The following CMTM4 variants were observed in gnomAD, a reference collection of about 807,000 sequenced individuals.
CMTM4 encodes the protein CKLF-like MARVEL transmembrane domain-containing protein 4.
A neutral mutation model predicts 19.0 loss-of-function variants in CMTM4; 8 were observed. The observed-to-expected ratio is 0.42, with a 90% confidence interval of 0.25 to 0.76. CMTM4 has a LOEUF of 0.76. CMTM4 is among the 30% of genes least tolerant of loss of function. The pLI is 0.27. For missense variants in CMTM4, 228 were observed against 290.2 expected (o/e 0.79, Z 1.56); for synonymous variants, 106 against 121.1 (o/e 0.88, Z 0.82).
chr16:66,636,486 C>G lies in CMTM4; in HGVS notation c.282G>C (p.Ala94=). 6.2e-7 allele frequency: 1 copy of G among 1,614,136 alleles called. No individual in the cohort carries two copies. The highest frequency in any genetic ancestry group is 8.5e-7 in the Non-Finnish European group (1 of 1,180,016). Residue 94 remains alanine (A), a synonymous_variant, in exon 2 of 4, where the codon GCG becomes GCC. Transcript: ENST00000394106. ...TCAGCAAGACGCCAGTCACCACAAA[C>G]GCACTGCAGCTCACAAACTCAAAAA... is the stretch of plus-strand genomic sequence containing the variant. ...LYFFEFVSCS[A]FVVTGVLLIM...
chr16:66,665,171 C>T (rs985201461), intron 1 of CMTM4, among the ~76,000 whole-genome samples: 9 of 147,948 alleles, frequency 6.1e-5, no homozygotes, highest in African/African-American at 1.2e-4. Flanking sequence ...TGGTCTCGAA[C>T]TCCTGACCTC....
At chr16:66,679,909 C>T (rs897591625) in intron 1 of CMTM4, among the ~76,000 whole-genome samples, 4 of 151,758 alleles carry the variant, frequency 2.6e-5, no homozygotes, top group South Asian at 4.1e-4. Flanking sequence ...GAAACAAACT[C>T]ACACGGGGGC....
chr16:66,676,805 C>A (rs1487267610), intron 1 of CMTM4, among the ~76,000 whole-genome samples: 2 of 152,320 alleles, frequency 1.3e-5, no homozygotes, highest in East Asian at 3.9e-4. Context: ...GAAAACTGGG[C>A]CTCTGCCATG....
At chr16:66,683,670 G>A (rs2016983283) in intron 1 of CMTM4, among the ~76,000 whole-genome samples, 2 of 151,922 alleles carry the variant, frequency 1.3e-5, no homozygotes, top group South Asian at 4.2e-4. Context: ...GGATACAGCA[G>A]GGAACTTGAA....
At chr16:66,672,596 T>C (rs774345098) in intron 1 of CMTM4, among the ~76,000 whole-genome samples, 1 of 151,844 alleles carries the variant, frequency 6.6e-6, no homozygotes, top group Non-Finnish European at 1.5e-5. Context: ...TCTTTTATTA[T>C]TCCTCTGATT....
intron 1 of CMTM4, among the ~76,000 whole-genome samples, chr16:66,638,171 T>C (rs976431955): frequency 6.6e-6 from 1 of 152,174 alleles, no homozygotes; most frequent in Non-Finnish European, 1.5e-5. Flanking sequence ...TTGCATTCTA[T>C]CCTTACCATC....
chr16:66,633,647 G>T (rs777353490), intron 2 of CMTM4, among the ~76,000 whole-genome samples: 2 of 151,772 alleles, frequency 1.3e-5, no homozygotes, highest in African/African-American at 4.8e-5. Flanking sequence ...GCGAAACCTC[G>T]TCTCTATTAA....
In CMTM4 at chr16:66,696,629, G is replaced by T; in HGVS notation, c.-104C>A. 3.2e-6 allele frequency: 2 copies of T among 623,116 alleles called. No individual in the cohort carries two copies. Among genetic ancestry groups the T allele is most frequent in the Non-Finnish European group, 4.0e-6 (2 of 503,618 alleles). 38.6% of individuals were successfully genotyped at this position (623,116 alleles called of 1,614,324 possible). A position where few individuals can be genotyped will look rare whatever the true frequency, so the allele number is the denominator to read the frequency against. On this transcript the variant is annotated 5_prime_UTR_variant, in exon 1 of 4. Transcript: ENST00000394106. The surrounding 1 kb of genome is among the most constrained non-coding windows in gnomAD (Gnocchi z 4.3). Reference sequence around the variant, plus strand: ...CGCCGCCGCCGCCGCCGCCGCCGCCGCCCGACTGACTGCCCGCGGCCCGCC... The same window carrying T: ...CGCCGCCGCCGCCGCCGCCGCCGCCTCCCGACTGACTGCCCGCGGCCCGCC...
chr16:66,652,529 G>A (rs2016328833), intron 1 of CMTM4, among the ~76,000 whole-genome samples: 1 of 152,188 alleles, frequency 6.6e-6, no homozygotes, highest in African/African-American at 2.4e-5. Flanking sequence ...AATAAGAGTT[G>A]AACTTTGGAC....
chr16:66,624,132 A>G (rs2015690717), intron 2 of CMTM4, among the ~76,000 whole-genome samples: 1 of 152,236 alleles, frequency 6.6e-6, no homozygotes, highest in African/African-American at 2.4e-5. Context: ...AACCACCCAT[A>G]TGACTTTGGA....
downstream of CMTM4, chr16:66,613,000 G>A (rs958744722): frequency 1.0e-4 from 70 of 700,372 alleles, no homozygotes; most frequent in Admixed American, 3.4e-4. This position sits in a 1 kb window ranked among gnomAD's most constrained non-coding sequence, Gnocchi z 6.0. Context: ...GGCGGGGGTC[G>A]GGGGTCTTCT....
chr16:66,672,450 C>T (rs1316153518), intron 1 of CMTM4, among the ~76,000 whole-genome samples: 1 of 149,802 alleles, frequency 6.7e-6, no homozygotes, highest in East Asian at 1.9e-4. Context: ...TGACCAGAAC[C>T]GTAATTACTT....
chr16:66,605,245 G>T, the CMTM4 span: 1 of 280,372 alleles, frequency 3.6e-6, no homozygotes, highest in Non-Finnish European at 6.7e-6. This position sits in a 1 kb window ranked among gnomAD's most constrained non-coding sequence, Gnocchi z 4.6. Context: ...TGCTGTGTGA[G>T]CCAGGCGCCC....
intron 1 of CMTM4, among the ~76,000 whole-genome samples, chr16:66,684,918 T>C (rs1484062698): frequency 1.3e-5 from 2 of 152,114 alleles, no homozygotes; most frequent in Non-Finnish European, 2.9e-5. Context: ...CCAGTCTATA[T>C]CCTTCCTCCT....
At chr16:66,624,859 T>C (rs750664147) in intron 2 of CMTM4, among the ~76,000 whole-genome samples, 1 of 152,220 alleles carries the variant, frequency 6.6e-6, no homozygotes, top group Non-Finnish European at 1.5e-5. Flanking sequence ...TCCTGGCTCA[T>C]GGAAAGCTCT....
intron 1 of CMTM4, among the ~76,000 whole-genome samples, chr16:66,676,195 T>G (rs2016807718): frequency 6.6e-6 from 1 of 152,220 alleles, no homozygotes; most frequent in African/African-American, 2.4e-5. Context: ...CCTGCCCCAG[T>G]ACATTCACTT....
rs118062250 is a variant in CMTM4, at chr16:66,690,925, G to A, written c.186+5415C>T. Among the ~76,000 whole-genome samples the A allele has an allele frequency of 7.7e-4, 117 of 151,894 alleles. 1 individual carries two copies. The East Asian group carries it at 0.019, about 25-fold the overall frequency. On this transcript the variant is annotated intron_variant, in intron 1 of 3. Coordinates refer to ENST00000394106, the MANE Select transcript of CMTM4 (RefSeq NM_181521.3). ...AGTTCGAGATTAGCCTCTAGTTTGA[G>A]GCAACATAGCAAGACCTCGTCTCTA...
At chr16:66,636,335 G>T in intron 2 of CMTM4, 70 bp downstream of exon 2, 1 of 1,274,972 alleles carries the variant, frequency 7.8e-7, no homozygotes, top group Non-Finnish European at 1.1e-6. Flanking sequence ...GACCTGGAGA[G>T]ATTCCAGCTT....
downstream of CMTM4, chr16:66,613,366 GAC>G (rs1209691033): frequency 2.0e-6 from 1 of 497,876 alleles, no homozygotes; most frequent in Non-Finnish European, 3.6e-6. Context: ...GCATCACAGT[GAC>G]AGTGTCATGG....
Sources: gnomAD v4.1 joint callset for allele counts (sites outside exome capture counted in the v4.1 genomes callset) on GRCh38, gnomAD v4.1.1 for gene constraint, Gnocchi (gnomAD v3.1) non-coding constraint, MANE v1.5 for transcripts, NCBI Gene and HGNC (gene_info 2026-07-23, HGNC 2026-07-21) for gene names.